Variants in AP1M1 observed in about 807,000 individuals in gnomAD.
AP1M1 encodes the protein adaptor related protein complex 1 subunit mu 1.
A neutral mutation model predicts 57.1 loss-of-function variants in AP1M1; 18 were observed. The ratio of observed to expected loss-of-function variants is 0.32; its 90% CI spans 0.22 to 0.47. The LOEUF (loss-of-function observed/expected upper bound fraction) is 0.47. Among genes scored for constraint, AP1M1 ranks in the 20% least tolerant of loss-of-function variants. The probability of loss-of-function intolerance (pLI) is 1.00; values close to 1 mark genes in which losing one functional copy is unlikely to be tolerated. For synonymous variants in AP1M1, 241 were observed against 237.9 expected (o/e 1.01, Z -0.12); for missense variants, 362 against 593.5 (o/e 0.61, Z 4.05).
rs34025291 is a variant in AP1M1 at position 16,240,274 on chromosome 19, ATG to A, written c.*5866_*5867del. On this transcript the variant is annotated 3_prime_UTR_variant, in exon 12 of 12. Transcript: ENST00000291439. ...TGTGTGTGTGTGTGTGTGTGTGTGT[ATG>A]TGTGTGTGTGTGTGTGTGTGTGTGT... The A allele has an allele frequency of 0.026, 1,070 of 41,792 alleles. 8 individuals carry two copies. Among genetic ancestry groups the A allele is most frequent in the South Asian group, 0.064 (70 of 1,094 alleles). The allele number at this position is 41,792 out of a possible 1,614,324, so 2.6% of individuals were successfully genotyped here.
In AP1M1 at chr19:16,228,727, C is replaced by G. The variant is rs201191074; in HGVS notation, c.889-43C>G. On this transcript the variant is annotated intron_variant, in intron 8 of 11. Coordinates refer to ENST00000291439, the MANE Select transcript of AP1M1 (RefSeq NM_032493.4). This position sits in a 1 kb window ranked among gnomAD's most constrained non-coding sequence, Gnocchi z 5.0. Reference sequence around the variant, plus strand: ...TGTCCTGGAGAGGCTGGCCAGCTCACCTTGGCCTCCATAACCCCGGGCCGC... The same window carrying G: ...TGTCCTGGAGAGGCTGGCCAGCTCAGCTTGGCCTCCATAACCCCGGGCCGC... 260 of 1,607,844 alleles carry G rather than the reference C, an allele frequency of 1.6e-4. No individual in the cohort carries two copies. The African/African-American group carries it at 3.3e-3, about 20-fold the overall frequency.
rs370147940 is a variant in AP1M1 at position 16,203,173 on chromosome 19, C to T, written c.43-286C>T. ...TGTGAGGCATTGCTTAACCTGATGTCTCTGGGTGATTCAGTCCTGGACCTT... is the reference window on the plus strand; with the variant it reads ...TGTGAGGCATTGCTTAACCTGATGTTTCTGGGTGATTCAGTCCTGGACCTT... On this transcript the variant is annotated intron_variant, in intron 1 of 11. Coordinates refer to ENST00000291439, the MANE Select transcript of AP1M1 (RefSeq NM_032493.4). The surrounding 1 kb of genome is among the most constrained non-coding windows in gnomAD (Gnocchi z 4.6). The T allele has an allele frequency of 9.0e-6, 4 of 444,364 alleles. No individual in the cohort carries two copies. The highest frequency in any genetic ancestry group is 4.8e-5 in the East Asian group (1 of 20,982). The allele number at this position is 444,364 out of a possible 1,614,324, so 27.5% of individuals were successfully genotyped here.
intron 9 of AP1M1, among the ~76,000 whole-genome samples, chr19:16,230,261 G>GC (rs2091590240): frequency 6.6e-6 from 1 of 152,186 alleles, no homozygotes; most frequent in African/African-American, 2.4e-5. Context: ...ACCCTGCGTT[G>GC]AGCAAGTCTG....
At chr19:16,208,920 GT>G (rs2145119358) in intron 4 of AP1M1, 109 bp from the exon 5 acceptor site, 2 of 1,370,944 alleles carry the variant, frequency 1.5e-6, no homozygotes, top group African/African-American at 1.4e-5. Context: ...TTTCAAGTCG[GT>G]CAGAACCTGC....
In AP1M1 at chr19:16,240,081, C is replaced by T. The variant is rs964690495; in HGVS notation, c.*5646C>T. The T allele has an allele frequency of 4.6e-5, 7 of 152,058 alleles. No homozygotes were observed. Among genetic ancestry groups the T allele is most frequent in the African/African-American group, 1.7e-4 (7 of 41,388 alleles). 9.4% of individuals were successfully genotyped at this position (152,058 alleles called of 1,614,324 possible). A position where few individuals can be genotyped will look rare whatever the true frequency, so the allele number is the denominator to read the frequency against. On this transcript the variant is annotated 3_prime_UTR_variant, in exon 12 of 12. Transcript: ENST00000291439. ...ATAATACAGTATAATGATTATGTAGCATCTACATTGTATTAGGTAATCTAG... is the reference window on the plus strand; with the variant it reads ...ATAATACAGTATAATGATTATGTAGTATCTACATTGTATTAGGTAATCTAG...
intron 5 of AP1M1, among the ~76,000 whole-genome samples, chr19:16,224,132 A>C (rs1431288306): frequency 6.6e-6 from 1 of 152,118 alleles, no homozygotes; most frequent in Admixed American, 6.5e-5. Flanking sequence ...TGTCTCGCGC[A>C]CTCCGTGCAG....
In AP1M1 at chr19:16,206,829, C is replaced by T. The variant is rs2091471423; in HGVS notation, c.267+421C>T. On this transcript the variant is annotated intron_variant, in intron 3 of 11. Coordinates refer to ENST00000291439, the MANE Select transcript of AP1M1 (RefSeq NM_032493.4). The surrounding 1 kb of genome is among the most constrained non-coding windows in gnomAD (Gnocchi z 4.3). ...TGACGCCCACCTTGGAGAGAGCTGA[C>T]ACGCCAGGCCCAGGCTGCCAGTGAG... Among the ~76,000 whole-genome samples, 1 of 152,206 alleles carries T rather than the reference C, an allele frequency of 6.6e-6. No homozygotes were observed. The highest frequency in any genetic ancestry group is 1.5e-5 in the Non-Finnish European group (1 of 68,048).
intron 5 of AP1M1, among the ~76,000 whole-genome samples, chr19:16,220,517 T>A (rs757278725): frequency 6.6e-6 from 1 of 151,918 alleles, no homozygotes; most frequent in Non-Finnish European, 1.5e-5. Flanking sequence ...CAGCCTCCCA[T>A]GTAGTTGAGA....
chr19:16,234,124 C>T, intron 10 of AP1M1, 75 bp from the exon 11 acceptor site: 3 of 1,454,366 alleles, frequency 2.1e-6, no homozygotes, highest in Non-Finnish European at 2.8e-6. Context: ...CCAGGCTGCC[C>T]CAGCAGGAAA....
Position 16,206,201 on chromosome 19 carries a change from C to T in AP1M1, c.200-140C>T. On this transcript the variant is annotated intron_variant, in intron 2 of 11. Coordinates refer to ENST00000291439, the MANE Select transcript of AP1M1 (RefSeq NM_032493.4). This position sits in a 1 kb window ranked among gnomAD's most constrained non-coding sequence, Gnocchi z 4.3. ...TTGGACCAGGAGCTTTGTAGCCCAC[C>T]ATGGGCCAAGTAAACGGCTGGGAGT... is the stretch of plus-strand genomic sequence containing the variant. 2 of 834,102 alleles carry T rather than the reference C, an allele frequency of 2.4e-6. No homozygotes were observed. The highest frequency in any genetic ancestry group is 3.9e-6 in the Non-Finnish European group (2 of 518,202). The allele number at this position is 834,102 out of a possible 1,614,324, so 51.7% of individuals were successfully genotyped here.
chr19:16,209,278 T>C (rs921920743), intron 5 of AP1M1, 101 bp downstream of exon 5: 5 of 1,358,622 alleles, frequency 3.7e-6, no homozygotes, highest in East Asian at 2.3e-5. Context: ...AGCCGTTCTG[T>C]GTGGTAACAG....
Position 16,208,148 on chromosome 19 carries a change from G to A in AP1M1, c.397G>A (p.Glu133Lys). 1 of 1,612,264 alleles carries A rather than the reference G, an allele frequency of 6.2e-7. No individual in the cohort carries two copies. ...GACCACCGACAGCAAGATCCTGCAG[G>A]AGTGAGTGGGCAGGGGTGGGGCCTG... The part of the protein sequence containing the change: ...PQTTDSKILQ[E>K]YITQEGHKLE... The change falls in exon 4 of 12, where the codon GAG (glutamate) becomes AAG (lysine). Residue 133 changes from glutamate to lysine, a missense_variant and splice_region_variant. Physicochemically the swap from Glu to Lys is moderately conservative, Grantham distance 56 (BLOSUM62 1). Coordinates refer to ENST00000291439, the MANE Select transcript of AP1M1 (RefSeq NM_032493.4).
At chr19:16,224,614 G>A (rs1047957777) in intron 5 of AP1M1, among the ~76,000 whole-genome samples, 3 of 152,206 alleles carry the variant, frequency 2.0e-5, no homozygotes, top group East Asian at 1.9e-4. Context: ...ATTGCTGCCC[G>A]CAGGGCCGAG....
At chr19:16,198,616 T>C (rs1176980314) in intron 1 of AP1M1, among the ~76,000 whole-genome samples, 1 of 152,126 alleles carries the variant, frequency 6.6e-6, no homozygotes, top group East Asian at 1.9e-4. Flanking sequence ...TGCCGTTTTA[T>C]AGAGGGAGAA....
intron 9 of AP1M1, among the ~76,000 whole-genome samples, chr19:16,230,527 A>G (rs2091591558): frequency 6.6e-6 from 1 of 151,758 alleles, no homozygotes; most frequent in Non-Finnish European, 1.5e-5. Flanking sequence ...CAGCGTCCTG[A>G]GCAGCTGGGA....
chr19:16,231,213 G>A (rs549613416), intron 9 of AP1M1, among the ~76,000 whole-genome samples: 112 of 150,940 alleles, frequency 7.4e-4, no homozygotes, highest in African/African-American at 2.6e-3. Context: ...GTGTGAACTC[G>A]GGAGGCGGAG....
At chr19:16,232,841 C>G (rs1302625701) in intron 9 of AP1M1, among the ~76,000 whole-genome samples, 1 of 152,158 alleles carries the variant, frequency 6.6e-6, no homozygotes, top group African/African-American at 2.4e-5. Context: ...CTGGGGGTGA[C>G]CAGGCTGCAA....
At chr19:16,211,174 A>G (rs912227725) in intron 5 of AP1M1, among the ~76,000 whole-genome samples, 2 of 149,182 alleles carry the variant, frequency 1.3e-5, no homozygotes, top group African/African-American at 4.9e-5. Context: ...GCTCAGTGCA[A>G]CCTCCACCTC....
chr19:16,207,983 G>A lies in AP1M1; in HGVS notation c.268-36G>A. On this transcript the variant is annotated intron_variant, in intron 3 of 11. Coordinates refer to ENST00000291439, the MANE Select transcript of AP1M1 (RefSeq NM_032493.4). This position sits in a 1 kb window ranked among gnomAD's most constrained non-coding sequence, Gnocchi z 4.2. Reference sequence around the variant, plus strand: ...TCCTCATCCGTCCGCTCAATGATCTGCCTCCCATTCCTCCCTCCCTCCCCA... The same window carrying A: ...TCCTCATCCGTCCGCTCAATGATCTACCTCCCATTCCTCCCTCCCTCCCCA... 1 of 1,594,062 alleles carries A rather than the reference G, an allele frequency of 6.3e-7. No individual in the cohort carries two copies. The highest frequency in any genetic ancestry group is 8.5e-7 in the Non-Finnish European group (1 of 1,170,394).
Sources: allele counts gnomAD v4.1 joint callset (sites outside exome capture counted in the v4.1 genomes callset), GRCh38; gene constraint gnomAD v4.1.1; non-coding constraint Gnocchi (gnomAD v3.1); transcripts MANE v1.5; gene names NCBI Gene and HGNC (gene_info 2026-07-23, HGNC 2026-07-21).